ADAMTS6: variants seen among roughly 807,000 people sequenced by gnomAD.
ADAMTS6 encodes ADAM metallopeptidase with thrombospondin type 1 motif 6.
A neutral mutation model predicts 144.3 loss-of-function variants in ADAMTS6; 23 were observed. The observed-to-expected ratio is 0.16, with a 90% CI of 0.11 to 0.23. The LOEUF (loss-of-function observed/expected upper bound fraction) is 0.23. Among genes scored for constraint, ADAMTS6 ranks in the 10% least tolerant of loss-of-function variants. ADAMTS6 has a pLI of 1.00. For synonymous variants in ADAMTS6, 444 were observed against 457.5 expected, an observed-to-expected ratio of 0.97 and a Z score of 0.38; for missense variants, 999 against 1,379.6, an observed-to-expected ratio of 0.72 and a Z score of 4.37.
intron 9 of ADAMTS6, among the ~76,000 whole-genome samples, chr5:65,318,626 C>T (rs1205430907): frequency 1.3e-5 from 2 of 152,054 alleles, no homozygotes; most frequent in Admixed American, 1.3e-4. Context: ...ATAAGCCAGG[C>T]ACAGAGAGAC....
intron 7 of ADAMTS6, among the ~76,000 whole-genome samples, chr5:65,374,265 T>C (rs367614247): frequency 1.2e-4 from 18 of 151,962 alleles, no homozygotes; most frequent in African/African-American, 4.3e-4. Context: ...CCAGGGCAAT[T>C]AGGCAGGAGA....
At chr5:65,239,300 G>A (rs1385802981) in intron 15 of ADAMTS6, among the ~76,000 whole-genome samples, 1 of 149,030 alleles carries the variant, frequency 6.7e-6, no homozygotes, top group African/African-American at 2.5e-5. Context: ...CTATACTCTA[G>A]TTATAGTAAT....
chr5:65,208,900 G>C (rs1159422108), intron 20 of ADAMTS6, among the ~76,000 whole-genome samples: 1 of 152,176 alleles, frequency 6.6e-6, no homozygotes, highest in Non-Finnish European at 1.5e-5. Context: ...TCCTGAGCCA[G>C]TGGCACCAGC....
At chr5:65,412,329 C>T (rs1035218587) in intron 7 of ADAMTS6, among the ~76,000 whole-genome samples, 11 of 151,924 alleles carry the variant, frequency 7.2e-5, no homozygotes, top group Non-Finnish European at 1.5e-5. Flanking sequence ...AGTTAGTCCT[C>T]GGAAGAGAGG....
chr5:65,303,042 G>A (rs1743591368), intron 9 of ADAMTS6, among the ~76,000 whole-genome samples: 1 of 152,088 alleles, frequency 6.6e-6, no homozygotes, highest in Admixed American at 6.6e-5. Context: ...GCCAAGAAAA[G>A]AGGCAATTGA....
chr5:65,352,170 A>G (rs1748912764), intron 7 of ADAMTS6, among the ~76,000 whole-genome samples: 1 of 143,810 alleles, frequency 7.0e-6, no homozygotes, highest in Admixed American at 7.4e-5. Context: ...AAAGATGTTT[A>G]TAAGTGATAA....
At chr5:65,456,669 A>G (rs1455499227) in intron 4 of ADAMTS6, among the ~76,000 whole-genome samples, 1 of 152,180 alleles carries the variant, frequency 6.6e-6, no homozygotes, top group Non-Finnish European at 1.5e-5. Flanking sequence ...TACTAAATGA[A>G]TATTTATTTA....
At chr5:65,443,106 T>A (rs1421812374) in intron 7 of ADAMTS6, among the ~76,000 whole-genome samples, 1 of 152,198 alleles carries the variant, frequency 6.6e-6, no homozygotes, top group African/African-American at 2.4e-5. Context: ...TGATTCTATG[T>A]CTCTGCTATT....
chr5:65,179,509 A>G (rs900797580), intron 22 of ADAMTS6, among the ~76,000 whole-genome samples: 2 of 152,226 alleles, frequency 1.3e-5, no homozygotes, highest in Non-Finnish European at 2.9e-5. Context: ...CTGTGCTGTC[A>G]TTAATAGTAA....
At chr5:65,277,856 C>T (rs942662405) in intron 11 of ADAMTS6, among the ~76,000 whole-genome samples, 4 of 151,938 alleles carry the variant, frequency 2.6e-5, no homozygotes, top group African/African-American at 4.8e-5. Context: ...ATTTCAATAA[C>T]GTTTGGGGTA....
chr5:65,183,300 T>C (rs534651016), intron 22 of ADAMTS6, among the ~76,000 whole-genome samples: 3 of 152,308 alleles, frequency 2.0e-5, no homozygotes, highest in South Asian at 2.1e-4. Context: ...CCAGTTTCAG[T>C]TGCCAACAAT....
chr5:65,204,100 A>G (rs1755921153), intron 20 of ADAMTS6, among the ~76,000 whole-genome samples: 1 of 152,238 alleles, frequency 6.6e-6, no homozygotes, highest in East Asian at 1.9e-4. Context: ...GCCTTCAGTT[A>G]TAAATCTTCA....
At chr5:65,378,383 C>T (rs1166085553) in intron 7 of ADAMTS6, among the ~76,000 whole-genome samples, 2 of 152,124 alleles carry the variant, frequency 1.3e-5, no homozygotes, top group Non-Finnish European at 2.9e-5. Flanking sequence ...TCTCTTTATT[C>T]TCATGGTACT....
intron 1 of ADAMTS6, among the ~76,000 whole-genome samples, chr5:65,477,419 TATAGTTGACTGG>T (rs1760914538): frequency 6.6e-6 from 1 of 152,204 alleles, no homozygotes; most frequent in Admixed American, 6.5e-5. Flanking sequence ...AAACTTACAA[TATAGTTGACTGG>T]ATTTAGGGAG....
chr5:65,362,350 T>C (rs2150106692), intron 7 of ADAMTS6, among the ~76,000 whole-genome samples: 1 of 152,320 alleles, frequency 6.6e-6, no homozygotes, highest in African/African-American at 2.4e-5. Flanking sequence ...TTTATAGCAT[T>C]GCTAGGAAGG....
rs79734002 is a variant in ADAMTS6 at position 65,242,821 on chromosome 5, A to G, written c.1831-615T>C. On this transcript the variant is annotated intron_variant, in intron 14 of 24. Transcript: ENST00000381055. The stretch of plus-strand genomic sequence containing the variant: ...TTAATTTATTAACATCACAGAAAAT[A>G]AAATACAAAATGGCCCAAAACATGT... Among the ~76,000 whole-genome samples the G allele has an allele frequency of 1.8e-3, 279 of 152,280 alleles. 2 individuals carry two copies. Among genetic ancestry groups the G allele is most frequent in the Admixed American group, 3.4e-3 (52 of 15,286 alleles).
At chr5:65,169,119 T>G (rs1753426980) in intron 24 of ADAMTS6, among the ~76,000 whole-genome samples, 1 of 37,764 alleles carries the variant, frequency 2.6e-5, no homozygotes, top group Admixed American at 3.2e-4. Context: ...TGGGAGAAAA[T>G]TTTCGCAACC....
chr5:65,359,063 G>A (rs535115739), intron 7 of ADAMTS6, among the ~76,000 whole-genome samples: 1 of 152,226 alleles, frequency 6.6e-6, no homozygotes, highest in African/African-American at 2.4e-5. Flanking sequence ...CATAGCAAAG[G>A]AAACAATTAG....
intron 20 of ADAMTS6, among the ~76,000 whole-genome samples, chr5:65,208,040 T>C (rs1756239297): frequency 2.0e-5 from 3 of 152,210 alleles, no homozygotes; most frequent in Admixed American, 2.0e-4. Context: ...TGAAATTAAG[T>C]GGCATGCTAT....
Sources: gnomAD v4.1 joint callset for allele counts (sites outside exome capture counted in the v4.1 genomes callset) on GRCh38, gnomAD v4.1.1 for gene constraint, MANE v1.5 for transcripts, NCBI Gene and HGNC (gene_info 2026-07-23, HGNC 2026-07-21) for gene names.